The following CERT1 variants were observed in gnomAD, a reference collection of about 807,000 sequenced individuals.
CERT1 encodes the protein ceramide transfer protein.
In CERT1, 31 loss-of-function variants were observed where a neutral mutation model predicts 87.9. That is an observed-to-expected ratio of 0.35 (90% CI 0.27 to 0.48). CERT1 has a LOEUF of 0.48. CERT1 is among the 20% of genes least tolerant of loss of function. The probability of loss-of-function intolerance (pLI) is 0.99; values close to 1 mark genes in which losing one functional copy is unlikely to be tolerated. For synonymous variants in CERT1, 289 were observed against 250.9 expected, an observed-to-expected ratio of 1.15 and a Z score of -1.44; for missense variants, 487 against 758.0, an observed-to-expected ratio of 0.64 and a Z score of 4.20.
At chr5:75,404,201 C>T (rs1475005195) in intron 8 of CERT1, among the ~76,000 whole-genome samples, 2 of 148,848 alleles carry the variant, frequency 1.3e-5, no homozygotes, top group Admixed American at 6.7e-5. Context: ...TATGGGGTCA[C>T]GTTCTTGTCA....
At chr5:75,498,261 A>AT (rs1767169293) in intron 2 of CERT1, among the ~76,000 whole-genome samples, 2 of 152,206 alleles carry the variant, frequency 1.3e-5, no homozygotes, top group South Asian at 4.1e-4. Flanking sequence ...AGAAGAACGT[A>AT]TTTTCTGGGG....
intron 2 of CERT1, among the ~76,000 whole-genome samples, chr5:75,503,744 T>C (rs1037355580): frequency 7.3e-6 from 1 of 137,458 alleles, no homozygotes; most frequent in Non-Finnish European, 1.6e-5. Flanking sequence ...ACAATGAAAG[T>C]TATGCATGTA....
At chr5:75,403,564 G>A (rs1314206327) in intron 8 of CERT1, among the ~76,000 whole-genome samples, 1 of 152,216 alleles carries the variant, frequency 6.6e-6, no homozygotes, top group African/African-American at 2.4e-5. Context: ...AGACAACAGA[G>A]ATATAAAATT....
intron 8 of CERT1, among the ~76,000 whole-genome samples, chr5:75,405,518 G>C (rs1234907003): frequency 6.6e-6 from 1 of 152,050 alleles, no homozygotes; most frequent in Non-Finnish European, 1.5e-5. Flanking sequence ...CAATTGCAAC[G>C]TGTCTGAAAC....
At chr5:75,391,154 G>A (rs78081766) in intron 11 of CERT1, among the ~76,000 whole-genome samples, 58 of 152,180 alleles carry the variant, frequency 3.8e-4, no homozygotes, top group African/African-American at 1.3e-3. Context: ...ACAGGGTCTC[G>A]CCATCTGGCC....
chr5:75,412,729 A>C (rs1410770638), intron 7 of CERT1, among the ~76,000 whole-genome samples: 1 of 152,202 alleles, frequency 6.6e-6, no homozygotes, highest in Non-Finnish European at 1.5e-5. Context: ...TATGATATAA[A>C]AGATAAAAAA....
chr5:75,463,004 A>G (rs1199358466), intron 2 of CERT1, among the ~76,000 whole-genome samples: 3 of 151,542 alleles, frequency 2.0e-5, no homozygotes, highest in East Asian at 3.9e-4. Flanking sequence ...AAAAAAAAAA[A>G]AAAAAAAAGT....
chr5:75,449,948 T>C (rs1191013051), intron 3 of CERT1, among the ~76,000 whole-genome samples: 4 of 152,174 alleles, frequency 2.6e-5, no homozygotes, highest in Admixed American at 2.6e-4. Context: ...TCTTGTTAAG[T>C]TACATCTCTT....
At chr5:75,407,445 CT>C (rs893981888) in intron 8 of CERT1, among the ~76,000 whole-genome samples, 4 of 146,644 alleles carry the variant, frequency 2.7e-5, no homozygotes, top group African/African-American at 1.0e-4. Flanking sequence ...ATCTACCAAA[CT>C]TTTTTAAGGT....
chr5:75,457,599 A>C (rs1166783570), intron 3 of CERT1, among the ~76,000 whole-genome samples: 1 of 152,128 alleles, frequency 6.6e-6, no homozygotes, highest in Non-Finnish European at 1.5e-5. Flanking sequence ...ATATAGTCCT[A>C]AAGCTAAAAC....
chr5:75,403,110 ACT>A lies in CERT1; in HGVS notation c.931-54_931-53del, dbSNP rs536943839. 161 of 1,137,334 alleles carry A rather than the reference ACT, an allele frequency of 1.4e-4. 1 individual carries two copies. In the African/African-American group the frequency reaches 2.3e-3, roughly 16 times the overall value. The allele number at this position is 1,137,334 out of a possible 1,614,324, so 70.5% of individuals were successfully genotyped here. On this transcript the variant is annotated intron_variant, in intron 8 of 16. Transcript: ENST00000643780. ...AGCAGTTTATTTAAAGAAACAGAAA[ACT>A]CTGATAACTCTGGTATTAACTTGAG...
At chr5:75,466,094 C>A (rs1253106749) in intron 2 of CERT1, among the ~76,000 whole-genome samples, 3 of 152,106 alleles carry the variant, frequency 2.0e-5, no homozygotes, top group Non-Finnish European at 4.4e-5. Context: ...CTTAAATCCA[C>A]CCTTCTATAT....
intron 3 of CERT1, among the ~76,000 whole-genome samples, chr5:75,456,918 CAAAGG>C (rs1381106592): frequency 6.6e-6 from 1 of 151,984 alleles, no homozygotes; most frequent in Non-Finnish European, 1.5e-5. Flanking sequence ...GGGAACCTTG[CAAAGG>C]AACTGTCATT....
At position 75,431,696 on chromosome 5, in the gene CERT1, T is replaced by G. The variant is rs143820344; in HGVS notation, c.349-5218A>C. Among the ~76,000 whole-genome samples the G allele has an allele frequency of 5.1e-4, 78 of 152,364 alleles. 1 individual carries two copies. In the East Asian group the frequency reaches 0.013, roughly 25 times the overall value. On this transcript the variant is annotated intron_variant, in intron 3 of 16. Coordinates refer to ENST00000643780, the MANE Select transcript of CERT1 (RefSeq NM_001379029.1). Reference sequence around the variant, plus strand: ...TTTTTCTGATCCTGCATTAGTTTACTAAGGATAATGGCCACCAGTTCCATC... The same window carrying G: ...TTTTTCTGATCCTGCATTAGTTTACGAAGGATAATGGCCACCAGTTCCATC...
In CERT1 at chr5:75,381,264, A is replaced by G. The variant is rs1220046183; in HGVS notation, c.1618-63T>C. 3.8e-6 allele frequency: 6 copies of G among 1,586,210 alleles called. No individual in the cohort carries two copies. In the South Asian group the frequency reaches 4.5e-5, roughly 12 times the overall value. On this transcript the variant is annotated intron_variant, in intron 15 of 16. Transcript: ENST00000643780. ...GTATTTTGTAAACTCTGCTGGTCTA[A>G]TATTATATTAGGTTAACCAAAATCG...
intron 5 of CERT1, among the ~76,000 whole-genome samples, chr5:75,421,769 C>T (rs1365731933): frequency 6.6e-6 from 1 of 152,138 alleles, no homozygotes; most frequent in Admixed American, 6.5e-5. Flanking sequence ...TTTCAAATTT[C>T]CCTACTTTTT....
At chr5:75,379,538 A>C (rs1303284840) in intron 16 of CERT1, 65 bp from the exon 17 acceptor site, 1 of 1,420,504 alleles carries the variant, frequency 7.0e-7, no homozygotes, top group Non-Finnish European at 9.7e-7. Context: ...TGAAGCACTT[A>C]ATTTGTTCCC....
At chr5:75,387,819 G>A (rs536237989) in intron 12 of CERT1, among the ~76,000 whole-genome samples, 60 of 151,894 alleles carry the variant, frequency 4.0e-4, no homozygotes, top group South Asian at 2.1e-3. Context: ...TATAGACAAC[G>A]ATTGTTCTCT....
chr5:75,383,375 A>C (rs1659314098), intron 14 of CERT1, among the ~76,000 whole-genome samples: 1 of 152,084 alleles, frequency 6.6e-6, no homozygotes, highest in Non-Finnish European at 1.5e-5. Flanking sequence ...TCTACTATTT[A>C]TCTAGCAGAA....
Sources: gnomAD v4.1 joint callset for allele counts (sites outside exome capture counted in the v4.1 genomes callset) on GRCh38, gnomAD v4.1.1 for gene constraint, MANE v1.5 for transcripts, NCBI Gene and HGNC (gene_info 2026-07-23, HGNC 2026-07-21) for gene names.